Variants in MACROD2 observed in about 807,000 individuals in gnomAD.
The protein encoded by MACROD2 is ADP-ribose glycohydrolase MACROD2.
A neutral mutation model predicts 70.4 loss-of-function variants in MACROD2; 36 were observed. The ratio of observed to expected loss-of-function variants is 0.51; its 90% CI spans 0.39 to 0.68. The LOEUF (loss-of-function observed/expected upper bound fraction) is 0.68, where lower values mean the gene tolerates loss of function less well. MACROD2 is among the 30% of genes least tolerant of loss of function. The probability of loss-of-function intolerance (pLI) is 0.00; values close to 1 mark genes in which losing one functional copy is unlikely to be tolerated. For synonymous variants in MACROD2, 172 were observed against 178.8 expected, an observed-to-expected ratio of 0.96 and a Z score of 0.30; for missense variants, 496 against 538.4, an observed-to-expected ratio of 0.92 and a Z score of 0.78.
At chr20:14,149,345 G>A (rs574904891) in intron 3 of MACROD2, among the ~76,000 whole-genome samples, 1 of 151,892 alleles carries the variant, frequency 6.6e-6, no homozygotes, top group African/African-American at 2.4e-5. Context: ...TCTTTTTTAT[G>A]GACACACAGT....
chr20:15,802,354 A>C (rs2063733898), intron 8 of MACROD2, among the ~76,000 whole-genome samples: 1 of 152,080 alleles, frequency 6.6e-6, no homozygotes, highest in Non-Finnish European at 1.5e-5. Flanking sequence ...TATTATGTTG[A>C]GCTACCTTGC....
intron 2 of MACROD2, among the ~76,000 whole-genome samples, chr20:14,075,487 A>G (rs2148663361): frequency 6.6e-6 from 1 of 152,262 alleles, no homozygotes; most frequent in South Asian, 2.1e-4. Context: ...CTGTTTACTT[A>G]TTATTTGACA....
chr20:14,697,134 AG>A (rs1455072570), intron 5 of MACROD2, among the ~76,000 whole-genome samples: 1 of 152,200 alleles, frequency 6.6e-6, no homozygotes, highest in Non-Finnish European at 1.5e-5. Flanking sequence ...GGGATTCCCC[AG>A]GAAATCCGTT....
intron 5 of MACROD2, among the ~76,000 whole-genome samples, chr20:14,984,348 T>A (rs1284446501): frequency 6.6e-6 from 1 of 152,100 alleles, no homozygotes; most frequent in Non-Finnish European, 1.5e-5. Context: ...TAGGTTTTTG[T>A]TTGTTTGTTG....
intron 5 of MACROD2, among the ~76,000 whole-genome samples, chr20:14,714,923 G>T (rs2071380322): frequency 6.6e-6 from 1 of 152,132 alleles, no homozygotes; most frequent in Non-Finnish European, 1.5e-5. Context: ...TTTAATTCAA[G>T]AATCTAGCTC....
chr20:15,735,977 T>C (rs1600822399), intron 8 of MACROD2, among the ~76,000 whole-genome samples: 1 of 152,174 alleles, frequency 6.6e-6, no homozygotes. Context: ...GGGATATATA[T>C]ACATATATCT....
chr20:15,893,756 C>T, intron 10 of MACROD2: 1 of 456,710 alleles, frequency 2.2e-6, no homozygotes, highest in Non-Finnish European at 4.4e-6. Context: ...GGATCCCCAC[C>T]TCCTCCACTG....
At chr20:15,186,933 G>A (rs1490599213) in intron 5 of MACROD2, among the ~76,000 whole-genome samples, 1 of 152,162 alleles carries the variant, frequency 6.6e-6, no homozygotes, top group Non-Finnish European at 1.5e-5. Context: ...TTTAACATCT[G>A]ATAAGTTTTT....
intron 8 of MACROD2, among the ~76,000 whole-genome samples, chr20:15,659,664 C>G (rs773636126): frequency 2.0e-4 from 31 of 151,762 alleles, no homozygotes; most frequent in Non-Finnish European, 3.2e-4. Flanking sequence ...GTGTCTTAGT[C>G]CATTTTGTGT....
chr20:15,442,864 C>G lies in MACROD2; in HGVS notation c.571+11429C>G, dbSNP rs76716628. 5.2e-3 allele frequency among the ~76,000 whole-genome samples: 790 copies of G among 152,200 alleles called. 6 individuals are homozygous for G. Among genetic ancestry groups the G allele is most frequent in the African/African-American group, 0.018 (758 of 41,528 alleles). Reference sequence around the variant, plus strand: ...TATTTGGTAATTTTGATAGCATATACTTTATTAAAATGTCTTTATAATGCT... The same window carrying G: ...TATTTGGTAATTTTGATAGCATATAGTTTATTAAAATGTCTTTATAATGCT... On this transcript the variant is annotated intron_variant, in intron 7 of 17. Coordinates refer to ENST00000684519, the MANE Select transcript of MACROD2 (RefSeq NM_001351661.2).
chr20:15,014,556 G>A (rs917044799), intron 5 of MACROD2, among the ~76,000 whole-genome samples: 2 of 152,084 alleles, frequency 1.3e-5, no homozygotes, highest in African/African-American at 2.4e-5. Context: ...GAGTTAATAC[G>A]GGTTGAAAGG....
At chr20:14,148,863 TC>T (rs1171317261) in intron 3 of MACROD2, among the ~76,000 whole-genome samples, 1 of 152,168 alleles carries the variant, frequency 6.6e-6, no homozygotes. Flanking sequence ...GTAGCTTCCT[TC>T]CTAAGTAGTT....
intron 8 of MACROD2, among the ~76,000 whole-genome samples, chr20:15,849,084 A>G (rs1483798135): frequency 1.3e-5 from 2 of 152,146 alleles, no homozygotes; most frequent in Non-Finnish European, 2.9e-5. Flanking sequence ...GGCTAATAGG[A>G]GAGGCACAGA....
intron 5 of MACROD2, among the ~76,000 whole-genome samples, chr20:14,951,719 A>G (rs1267883232): frequency 6.6e-6 from 1 of 152,104 alleles, no homozygotes; most frequent in Non-Finnish European, 1.5e-5. Context: ...TTTCAAGCTC[A>G]TGAAACTCTG....
At chr20:15,528,987 C>T (rs77067014) in intron 8 of MACROD2, among the ~76,000 whole-genome samples, 3,648 of 152,192 alleles carry the variant, frequency 0.024, 142 homozygotes, top group African/African-American at 0.083. Flanking sequence ...AACAAAGACA[C>T]TCCTAATGTA....
chr20:14,409,469 A>T (rs1398260504), intron 3 of MACROD2, among the ~76,000 whole-genome samples: 1 of 151,876 alleles, frequency 6.6e-6, no homozygotes, highest in Non-Finnish European at 1.5e-5. Context: ...AGGTGAGGCA[A>T]CCGAGACCCA....
chr20:14,704,089 C>T (rs762829410), intron 5 of MACROD2, among the ~76,000 whole-genome samples: 5 of 152,132 alleles, frequency 3.3e-5, no homozygotes, highest in Non-Finnish European at 5.9e-5. Context: ...AATCTCTTTT[C>T]TCTTATCTGA....
At chr20:15,605,814 C>T (rs372468450) in intron 8 of MACROD2, among the ~76,000 whole-genome samples, 139 of 152,218 alleles carry the variant, frequency 9.1e-4, no homozygotes, top group African/African-American at 3.2e-3. Context: ...CCATCATGTC[C>T]GCTAAAACCA....
intron 3 of MACROD2, among the ~76,000 whole-genome samples, chr20:14,238,399 A>C (rs1196678049): frequency 1.3e-5 from 2 of 152,196 alleles, no homozygotes; most frequent in Non-Finnish European, 2.9e-5. Flanking sequence ...GCGTTGAAGG[A>C]ACATAATTCA....
Sources: allele counts gnomAD v4.1 joint callset (sites outside exome capture counted in the v4.1 genomes callset), GRCh38; gene constraint gnomAD v4.1.1; transcripts MANE v1.5; gene names NCBI Gene and HGNC (gene_info 2026-07-23, HGNC 2026-07-21).